The following PARP14 variants were observed in gnomAD, a reference collection of about 807,000 sequenced individuals.
PARP14 encodes protein mono-ADP-ribosyltransferase PARP14.
A neutral mutation model predicts 154.2 loss-of-function variants in PARP14; 59 were observed. The ratio of observed to expected loss-of-function variants is 0.38; its 90% CI spans 0.31 to 0.48. PARP14 has a LOEUF of 0.48. PARP14 is among the 20% of genes least tolerant of loss of function. The pLI is 0.98. For missense variants in PARP14, 1,734 were observed against 2,131.6 expected (o/e 0.81, Z 3.67); for synonymous variants, 720 against 780.5 (o/e 0.92, Z 1.29).
intron 4 of PARP14, 45 bp downstream of exon 4, chr3:122,692,588 A>G: frequency 6.5e-7 from 1 of 1,546,926 alleles, no homozygotes; most frequent in Non-Finnish European, 8.8e-7. Context: ...TTTGTACCAC[A>G]TCATGAGACT....
intron 5 of PARP14, among the ~76,000 whole-genome samples, chr3:122,696,800 T>C (rs2107641711): frequency 6.6e-6 from 1 of 152,306 alleles, no homozygotes; most frequent in South Asian, 2.1e-4. Flanking sequence ...TATGAGGCAC[T>C]CTCAAAGGTT....
At chr3:122,683,271 C>T in intron 1 of PARP14, 5 of 983,810 alleles carry the variant, frequency 5.1e-6, no homozygotes, top group Non-Finnish European at 6.0e-6. Context: ...AGAGGACACT[C>T]TCCACCCTCC....
intron 2 of PARP14, among the ~76,000 whole-genome samples, chr3:122,685,902 T>TG (rs1461826645): frequency 5.3e-5 from 8 of 152,200 alleles, no homozygotes; most frequent in Non-Finnish European, 1.2e-4. Flanking sequence ...TTGGGGTCTG[T>TG]GTCTCCAGAG....
chr3:122,719,131 C>T (rs920898221), intron 14 of PARP14, among the ~76,000 whole-genome samples, 173 bp downstream of exon 14: 3 of 152,096 alleles, frequency 2.0e-5, no homozygotes, highest in African/African-American at 7.2e-5. Flanking sequence ...CCAGGAAAAC[C>T]CAGAATGGAT....
rs1576576199 is a variant in PARP14 at position 122,681,194 on chromosome 3, C to G, written c.187+124C>G. The G allele has an allele frequency of 2.4e-3, 158 of 65,610 alleles. No homozygotes were observed. Among genetic ancestry groups the G allele is most frequent in the South Asian group, 0.018 (51 of 2,850 alleles). The allele number at this position is 65,610 out of a possible 1,614,324, so 4.1% of individuals were successfully genotyped here. On this transcript the variant is annotated intron_variant, in intron 1 of 16. Transcript: ENST00000474629. The surrounding 1 kb of genome is among the most constrained non-coding windows in gnomAD (Gnocchi z 5.5). The stretch of plus-strand genomic sequence containing the variant: ...CGGCGGCTGCTGTAGCGGAGGTGGC[C>G]GGGGCGGGGGCGGGGGCGGGGGCGG...
At chr3:122,710,407 T>C (rs1267702324) in intron 9 of PARP14, among the ~76,000 whole-genome samples, 3 of 152,230 alleles carry the variant, frequency 2.0e-5, no homozygotes, top group Admixed American at 1.3e-4. Context: ...TTCTGTTTCA[T>C]TGGTCTATGT....
intron 9 of PARP14, 115 bp downstream of exon 9, chr3:122,708,383 T>A (rs1327564409): frequency 1.6e-6 from 1 of 635,002 alleles, no homozygotes; most frequent in Non-Finnish European, 2.8e-6. Context: ...GAGTGACAAA[T>A]GATACTAAGT....
In PARP14 at chr3:122,701,541, C is replaced by A; in HGVS notation, c.2987C>A (p.Ala996Glu). 1 of 1,611,654 alleles carries A rather than the reference C, an allele frequency of 6.2e-7. No homozygotes were observed. The highest frequency in any genetic ancestry group is 1.7e-5 in the Admixed American group (1 of 59,508). ...AAPPGLPPAAAGPGKTSWEKG... is the reference protein window; with the variant it reads ...AAPPGLPPAAEGPGKTSWEKG... ...CCGCCAGGTTTACCACCAGCAGCAG[C>A]GGGGCCTGGGAAAACATCATGGGAA... is the stretch of plus-strand genomic sequence containing the variant. The change falls in exon 6 of 17, where the codon GCG becomes GAG. Residue 996 changes from alanine (A) to glutamate (E), a missense_variant. Ala to Glu is a moderately radical substitution (Grantham distance 107). Coordinates refer to ENST00000474629, the MANE Select transcript of PARP14 (RefSeq NM_017554.3). The surrounding 1 kb of genome is among the most constrained non-coding windows in gnomAD (Gnocchi z 4.0).
Position 122,695,620 on chromosome 3 carries a change from C to T in PARP14, c.793C>T (p.Pro265Ser), listed in dbSNP as rs914724263. The T allele has an allele frequency of 1.2e-6, 2 of 1,606,558 alleles. No individual in the cohort carries two copies. Among genetic ancestry groups the T allele is most frequent in the African/African-American group, 2.7e-5 (2 of 74,888 alleles). ...GGRVANVEYFPEESSALIEFF... is the reference protein window; with the variant it reads ...GGRVANVEYFSEESSALIEFF... ...AAGAGTTGCCAATGTTGAATATTTTCCTGAAGAGAGTTCAGCTCTGATTGA... is the reference window on the plus strand; with the variant it reads ...AAGAGTTGCCAATGTTGAATATTTTTCTGAAGAGAGTTCAGCTCTGATTGA... The change falls in exon 5 of 17, where the codon CCT becomes TCT. Residue 265 changes from proline to serine, a missense_variant. By Grantham distance (74) the Pro-to-Ser change is moderately conservative. Coordinates refer to ENST00000474629, the MANE Select transcript of PARP14 (RefSeq NM_017554.3).
chr3:122,722,363 C>T (rs886520535), intron 15 of PARP14: 3 of 152,118 alleles, frequency 2.0e-5, no homozygotes, highest in African/African-American at 7.2e-5. Flanking sequence ...CTCCAAGTAC[C>T]AATTACTACT....
rs1222927886 is a variant in PARP14, at chr3:122,730,345, T to G, written c.*1748T>G. 2 of 152,208 alleles carry G rather than the reference T, an allele frequency of 1.3e-5. No homozygotes were observed. Among genetic ancestry groups the G allele is most frequent in the African/African-American group, 4.8e-5 (2 of 41,452 alleles). 9.4% of individuals were successfully genotyped at this position (152,208 alleles called of 1,614,324 possible). A position where few individuals can be genotyped will look rare whatever the true frequency, so the allele number is the denominator to read the frequency against. ...TTCTGGCTTCTTCTATTACAGTCTC[T>G]TCATTGGAAGCTCTGTAGGCCAAGG... is the stretch of plus-strand genomic sequence containing the variant. On this transcript the variant is annotated 3_prime_UTR_variant, in exon 17 of 17. Transcript: ENST00000474629.
intron 1 of PARP14, among the ~76,000 whole-genome samples, chr3:122,683,858 C>T (rs1218339813): frequency 6.6e-6 from 1 of 152,212 alleles, no homozygotes; most frequent in Non-Finnish European, 1.5e-5. Flanking sequence ...AGGACTGTAA[C>T]ACAGAGGTCC....
At position 122,718,210 on chromosome 3, in the gene PARP14, T is replaced by A. The variant is rs960776755; in HGVS notation, c.4140T>A (p.Tyr1380Ter). The change falls in exon 13 of 17, where the codon TAT becomes TAA. Residue 1380 changes from tyrosine (Y) to a stop codon, truncating the protein, a stop_gained. Coordinates refer to ENST00000474629, the MANE Select transcript of PARP14 (RefSeq NM_017554.3). LOFTEE classifies it high-confidence loss of function. The stretch of plus-strand genomic sequence containing the variant: ...TGCCTCAAGTACTGGATGTGTTTTA[T>A]GCCAACATGAAGAAAAGAGAAGGGA... ...IFLPQVLDVF[Y>*]ANMKKREGTQ... The A allele has an allele frequency of 6.2e-7, 1 of 1,613,624 alleles. No homozygotes were observed. Among genetic ancestry groups the A allele is most frequent in the Non-Finnish European group, 8.5e-7 (1 of 1,179,754 alleles).
chr3:122,691,713 G>A (rs562602412), intron 3 of PARP14, among the ~76,000 whole-genome samples: 145 of 152,196 alleles, frequency 9.5e-4, no homozygotes, highest in African/African-American at 3.4e-3. Flanking sequence ...CATGTGTCTC[G>A]CTTTTGAGAA....
chr3:122,682,171 T>G (rs1392983694), intron 1 of PARP14, among the ~76,000 whole-genome samples: 1 of 152,206 alleles, frequency 6.6e-6, no homozygotes, highest in Non-Finnish European at 1.5e-5. Context: ...GGATTAATTT[T>G]ACCAAGGAGT....
Position 122,703,827 on chromosome 3 carries a change from CA to C in PARP14, c.3168del (p.Glu1057SerfsTer37), listed in dbSNP as rs1409500535. 1 of 1,613,752 alleles carries C rather than the reference CA, an allele frequency of 6.2e-7. No homozygotes were observed. Among genetic ancestry groups the C allele is most frequent in the Non-Finnish European group, 8.5e-7 (1 of 1,179,838 alleles). On this transcript the variant is annotated frameshift_variant, in exon 7 of 17. Coordinates refer to ENST00000474629, the MANE Select transcript of PARP14 (RefSeq NM_017554.3). LOFTEE classifies it high-confidence loss of function. Reference protein sequence around the residue: ...LSKSLLEKAGPELQEELDTVG... With the variant: ...LSKSLLEKAGXELQEELDTVG... ...AAGTCCCTCTTGGAAAAAGCTGGAC[CA>C]GAGCTCCAGGAGGAATTGGACACAG...
At chr3:122,692,207 A>G (rs1938562284) in intron 3 of PARP14, 94 bp from the exon 4 acceptor site, 2 of 997,108 alleles carry the variant, frequency 2.0e-6, no homozygotes, top group African/African-American at 1.6e-5. Flanking sequence ...GAGATTGGCA[A>G]GGAGAGAGGG....
chr3:122,716,574 C>T (rs909504501), intron 12 of PARP14, among the ~76,000 whole-genome samples: 1 of 152,188 alleles, frequency 6.6e-6, no homozygotes, highest in Non-Finnish European at 1.5e-5. Flanking sequence ...TGGCAAAAGA[C>T]AGAGAGGGAA....
intron 15 of PARP14, chr3:122,720,882 G>A: frequency 2.2e-6 from 1 of 456,534 alleles, no homozygotes; most frequent in Non-Finnish European, 4.4e-6. Flanking sequence ...TGAGGTGGAA[G>A]GATTGCATGA....
Sources: gnomAD v4.1 joint callset for allele counts (sites outside exome capture counted in the v4.1 genomes callset) on GRCh38, gnomAD v4.1.1 for gene constraint, Gnocchi (gnomAD v3.1) non-coding constraint, MANE v1.5 for transcripts, NCBI Gene and HGNC (gene_info 2026-07-23, HGNC 2026-07-21) for gene names.